The following PDE10A variants were observed in gnomAD, a reference collection of about 807,000 sequenced individuals.
PDE10A encodes cAMP and cAMP-inhibited cGMP 3',5'-cyclic phosphodiesterase 10A.
Under a neutral mutation model 97.7 loss-of-function variants are expected in PDE10A, and 39 were observed. The observed-to-expected ratio is 0.40, with a 90% CI of 0.31 to 0.52. PDE10A has a LOEUF of 0.52. Ranked by LOEUF, PDE10A falls within the 20% of genes least tolerant of loss-of-function variation. The probability of loss-of-function intolerance (pLI) is 0.56; values close to 1 mark genes in which losing one functional copy is unlikely to be tolerated. For missense variants in PDE10A, 731 were observed against 1,047.8 expected (o/e 0.70, Z 4.17); for synonymous variants, 371 against 376.8 (o/e 0.98, Z 0.18).
intron 1 of PDE10A, among the ~76,000 whole-genome samples, chr6:165,587,208 T>C (rs1785963952): frequency 6.6e-6 from 1 of 152,092 alleles, no homozygotes; most frequent in Non-Finnish European, 1.5e-5. Flanking sequence ...TAAATATCCA[T>C]GGAACAGGTC....
intron 3 of PDE10A, among the ~76,000 whole-genome samples, chr6:165,450,921 A>G (rs1791244878): frequency 6.6e-6 from 1 of 152,224 alleles, no homozygotes; most frequent in Admixed American, 6.5e-5. Context: ...ATATTAAAAT[A>G]GTAGGTGTTA....
chr6:165,786,644 CT>C (rs1778505567), intron 1 of PDE10A, among the ~76,000 whole-genome samples: 1 of 152,176 alleles, frequency 6.6e-6, no homozygotes. Flanking sequence ...CCACATGGCA[CT>C]TCAGCTTGGT....
At chr6:165,520,481 TGAA>T (rs944634877) in intron 2 of PDE10A, among the ~76,000 whole-genome samples, 39 of 152,058 alleles carry the variant, frequency 2.6e-4, no homozygotes, top group African/African-American at 8.7e-4. Context: ...GGGAGTATGA[TGAA>T]GGAGAGGGAT....
chr6:165,543,081 T>G (rs970053243), intron 2 of PDE10A, among the ~76,000 whole-genome samples: 1 of 152,210 alleles, frequency 6.6e-6, no homozygotes, highest in African/African-American at 2.4e-5. Context: ...GACTTATCTT[T>G]GTAAAATATA....
chr6:165,352,132 G>C (rs888108456), intron 18 of PDE10A, among the ~76,000 whole-genome samples: 4 of 152,140 alleles, frequency 2.6e-5, no homozygotes, highest in Admixed American at 6.5e-5. Flanking sequence ...GGGATTACAG[G>C]CATGAGCCAC....
chr6:165,584,660 G>A (rs1785806575), intron 1 of PDE10A, among the ~76,000 whole-genome samples: 1 of 152,064 alleles, frequency 6.6e-6, no homozygotes, highest in Admixed American at 6.5e-5. Context: ...GTTGCTTTTC[G>A]GCTACAAAAA....
intron 1 of PDE10A, among the ~76,000 whole-genome samples, chr6:165,578,789 G>A (rs978270011): frequency 3.0e-4 from 46 of 152,202 alleles, no homozygotes; most frequent in African/African-American, 1.0e-3. Context: ...CATCTATTGC[G>A]CCTCTGCTAA....
At chr6:165,909,389 T>C (rs1782392426) in intron 1 of PDE10A, among the ~76,000 whole-genome samples, 1 of 152,252 alleles carries the variant, frequency 6.6e-6, no homozygotes, top group Admixed American at 6.5e-5. Context: ...CATTTTTATA[T>C]TGCTCGCTGT....
chr6:165,347,724 T>C (rs1023971749), intron 18 of PDE10A, among the ~76,000 whole-genome samples: 3 of 152,202 alleles, frequency 2.0e-5, no homozygotes, highest in South Asian at 4.1e-4. Flanking sequence ...GGTTCTTCAG[T>C]TGAGACATCA....
chr6:165,701,324 C>T (rs1791564153), intron 1 of PDE10A, among the ~76,000 whole-genome samples: 1 of 152,170 alleles, frequency 6.6e-6, no homozygotes, highest in Admixed American at 6.5e-5. Context: ...TGACTGTGTG[C>T]AGGACAAAAA....
intron 2 of PDE10A, among the ~76,000 whole-genome samples, chr6:165,518,843 A>G (rs997793003): frequency 2.0e-5 from 3 of 152,190 alleles, no homozygotes; most frequent in Admixed American, 6.6e-5. Context: ...CTTCTCTAAG[A>G]TGAGAAAGGC....
chr6:165,894,709 G>T (rs553506536), intron 1 of PDE10A: 9 of 340,058 alleles, frequency 2.6e-5, no homozygotes, highest in Non-Finnish European at 4.1e-5. Flanking sequence ...CACCTTTTAG[G>T]ATGGAAACTT....
intron 1 of PDE10A, among the ~76,000 whole-genome samples, chr6:165,974,683 G>A (rs1323426743): frequency 6.6e-6 from 1 of 152,150 alleles, no homozygotes; most frequent in Non-Finnish European, 1.5e-5. Flanking sequence ...CATCTCATTG[G>A]TACCTTCTCT....
At chr6:165,523,318 C>T (rs1782241196) in intron 2 of PDE10A, among the ~76,000 whole-genome samples, 1 of 152,068 alleles carries the variant, frequency 6.6e-6, no homozygotes, top group South Asian at 2.1e-4. Flanking sequence ...CCAAAACAAT[C>T]CTAAGCAAAA....
intron 1 of PDE10A, among the ~76,000 whole-genome samples, chr6:165,871,647 G>A (rs926528127): frequency 6.6e-6 from 1 of 152,240 alleles, no homozygotes; most frequent in African/African-American, 2.4e-5. Context: ...CGAAAGTCAA[G>A]TTTATGGAGA....
Position 165,661,890 on chromosome 6 carries a change from G to GC in PDE10A, c.865+56dup. 1.3e-6 allele frequency: 1 copy of GC among 751,480 alleles called. No individual in the cohort carries two copies. Among genetic ancestry groups the GC allele is most frequent in the East Asian group, 3.0e-5 (1 of 33,274 alleles). 46.6% of individuals were successfully genotyped at this position (751,480 alleles called of 1,614,324 possible). A position where few individuals can be genotyped will look rare whatever the true frequency, so the allele number is the denominator to read the frequency against. ...ACCCAGCAGTCCAAGCCCCCCACCTGCCCCCAGGGGATGAGGAGCCGCCCC... is the reference window on the plus strand; with the variant it reads ...ACCCAGCAGTCCAAGCCCCCCACCTGCCCCCCAGGGGATGAGGAGCCGCCCC... On this transcript the variant is annotated intron_variant, in intron 1 of 21. Transcript: ENST00000539869. This position sits in a 1 kb window ranked among gnomAD's most constrained non-coding sequence, Gnocchi z 4.8.
At chr6:165,974,439 C>T (rs991359089) in intron 1 of PDE10A, among the ~76,000 whole-genome samples, 1 of 152,154 alleles carries the variant, frequency 6.6e-6, no homozygotes, top group Non-Finnish European at 1.5e-5. Flanking sequence ...AACCTGTCTG[C>T]CCCTTGTGGG....
chr6:165,494,911 C>T (rs1042679074), intron 2 of PDE10A, among the ~76,000 whole-genome samples: 5 of 152,134 alleles, frequency 3.3e-5, no homozygotes, highest in African/African-American at 1.2e-4. Context: ...GCCTTTCAGG[C>T]TGTAGTTATT....
intron 1 of PDE10A, among the ~76,000 whole-genome samples, chr6:165,779,901 G>A (rs988521338): frequency 6.6e-6 from 1 of 152,110 alleles, no homozygotes. Context: ...GCCCAACACT[G>A]CCAACCCACT....
Sources: allele counts gnomAD v4.1 joint callset (sites outside exome capture counted in the v4.1 genomes callset), GRCh38; gene constraint gnomAD v4.1.1; non-coding constraint Gnocchi (gnomAD v3.1); transcripts MANE v1.5; gene names NCBI Gene and HGNC (gene_info 2026-07-23, HGNC 2026-07-21).